The following PTPRO variants were observed in gnomAD, a reference collection of about 807,000 sequenced individuals.
PTPRO encodes protein tyrosine phosphatase receptor type O.
A neutral mutation model predicts 145.2 loss-of-function variants in PTPRO; 62 were observed. The observed-to-expected ratio is 0.43, with a 90% confidence interval of 0.35 to 0.53. The LOEUF (loss-of-function observed/expected upper bound fraction) is 0.53. PTPRO is among the 20% of genes least tolerant of loss of function. The pLI is 0.01. For missense variants in PTPRO, 1,345 were observed against 1,482.7 expected, an observed-to-expected ratio of 0.91 and a Z score of 1.53; for synonymous variants, 565 against 514.7, an observed-to-expected ratio of 1.10 and a Z score of -1.32.
intron 1 of PTPRO, among the ~76,000 whole-genome samples, chr12:15,393,456 T>C (rs1939246763): frequency 1.3e-5 from 2 of 152,308 alleles, no homozygotes; most frequent in Middle Eastern, 3.4e-3. Context: ...TGCTCAACTT[T>C]ATGACATAGT....
chr12:15,420,496 A>G (rs1309421116), intron 1 of PTPRO, among the ~76,000 whole-genome samples: 1 of 151,584 alleles, frequency 6.6e-6, no homozygotes, highest in Non-Finnish European at 1.5e-5. Flanking sequence ...TGGAAACTCA[A>G]CTCAGGCACC....
chr12:15,404,188 CAAAAAAA>C (rs370733389), intron 1 of PTPRO, among the ~76,000 whole-genome samples: 30 of 49,996 alleles, frequency 6.0e-4, no homozygotes, highest in African/African-American at 1.1e-3. Flanking sequence ...GACCCCATCT[CAAAAAAA>C]AAAAAAAAAA....
intron 19 of PTPRO, among the ~76,000 whole-genome samples, chr12:15,578,283 T>C (rs1445224166): frequency 6.6e-6 from 1 of 152,204 alleles, no homozygotes; most frequent in Non-Finnish European, 1.5e-5. Flanking sequence ...AAACTTAAGT[T>C]ACTCTATTCC....
chr12:15,458,756 A>G (rs1020634948), intron 1 of PTPRO, among the ~76,000 whole-genome samples: 3 of 151,678 alleles, frequency 2.0e-5, no homozygotes, highest in African/African-American at 7.3e-5. Context: ...TGCATGTTCT[A>G]TTGACCTCAT....
intron 1 of PTPRO, among the ~76,000 whole-genome samples, chr12:15,384,275 T>C (rs559754894): frequency 2.0e-5 from 3 of 152,302 alleles, no homozygotes; most frequent in East Asian, 3.9e-4. Flanking sequence ...ATGTACCTAG[T>C]AGTGGGATTG....
chr12:15,440,418 G>A, intron 1 of PTPRO: 1 of 254,030 alleles, frequency 3.9e-6, no homozygotes, highest in Non-Finnish European at 7.5e-6. Context: ...TTTTATACAA[G>A]AAAAATAAAG....
intron 1 of PTPRO, among the ~76,000 whole-genome samples, chr12:15,396,310 T>A (rs1392136768): frequency 6.6e-6 from 1 of 152,212 alleles, no homozygotes; most frequent in Non-Finnish European, 1.5e-5. Context: ...CTCAATTGTG[T>A]TGCACTTGTG....
chr12:15,449,569 A>G (rs1424570433), intron 1 of PTPRO, among the ~76,000 whole-genome samples: 1 of 152,192 alleles, frequency 6.6e-6, no homozygotes, highest in Non-Finnish European at 1.5e-5. Flanking sequence ...CAATACTGAA[A>G]ATTTACTGAG....
intron 12 of PTPRO, 124 bp downstream of exon 12, chr12:15,526,386 A>G (rs1942838904): frequency 7.6e-7 from 1 of 1,321,662 alleles, no homozygotes; most frequent in Admixed American, 1.7e-5. Context: ...ATGAGTAGAA[A>G]ATAGACATTT....
intron 1 of PTPRO, among the ~76,000 whole-genome samples, chr12:15,468,142 C>T (rs543961430): frequency 8.5e-5 from 13 of 152,220 alleles, no homozygotes; most frequent in Admixed American, 8.5e-4. Context: ...TGTTTGCTTG[C>T]CTAGGTTCCT....
At chr12:15,496,469 A>C (rs905054559) in intron 2 of PTPRO, among the ~76,000 whole-genome samples, 3 of 152,108 alleles carry the variant, frequency 2.0e-5, no homozygotes, top group African/African-American at 7.2e-5. Flanking sequence ...AAATTCATAC[A>C]GGTAAAATCT....
At chr12:15,462,778 C>A (rs1056816409) in intron 1 of PTPRO, among the ~76,000 whole-genome samples, 1 of 152,112 alleles carries the variant, frequency 6.6e-6, no homozygotes, top group Non-Finnish European at 1.5e-5. Flanking sequence ...TGTATGCTAG[C>A]TATTACAATT....
chr12:15,489,623 G>A (rs1247578501), intron 2 of PTPRO, among the ~76,000 whole-genome samples: 1 of 152,136 alleles, frequency 6.6e-6, no homozygotes, highest in Admixed American at 6.5e-5. Flanking sequence ...GACAACCAGA[G>A]GTCAGTCTCA....
chr12:15,525,080 T>C (rs1425021742), intron 11 of PTPRO, 115 bp downstream of exon 11: 1 of 1,280,970 alleles, frequency 7.8e-7, no homozygotes, highest in Non-Finnish European at 1.1e-6. Context: ...CAGTTGTCTG[T>C]TTTAGGCTCT....
intron 1 of PTPRO, among the ~76,000 whole-genome samples, chr12:15,430,968 TG>T (rs2136340888): frequency 6.6e-6 from 1 of 152,326 alleles, no homozygotes; most frequent in African/African-American, 2.4e-5. Flanking sequence ...ATAGAATATA[TG>T]GAAATAGTAA....
intron 12 of PTPRO, 199 bp from the exon 13 acceptor site, chr12:15,546,370 G>A: frequency 7.1e-7 from 1 of 1,413,744 alleles, no homozygotes; most frequent in Non-Finnish European, 9.2e-7. Context: ...AAATGGAAGG[G>A]GGAAAAGGCA....
chr12:15,524,714 A>G, intron 10 of PTPRO, 100 bp from the exon 11 acceptor site: 2 of 1,306,536 alleles, frequency 1.5e-6, no homozygotes, highest in Non-Finnish European at 1.1e-6. Flanking sequence ...TGTGAATTCT[A>G]ATTCGCTAAG....
In PTPRO at chr12:15,551,491, G is replaced by A. The variant is rs1012674; in HGVS notation, c.2438-60G>A. On this transcript the variant is annotated intron_variant, in intron 14 of 26. Coordinates refer to ENST00000281171, the MANE Select transcript of PTPRO (RefSeq NM_030667.3). Reference sequence around the variant, plus strand: ...TAAGACTAGATGAAAAGCAATGAATGGTTCTGTTTGGTTCCCTGTAAGAGA... The same window carrying A: ...TAAGACTAGATGAAAAGCAATGAATAGTTCTGTTTGGTTCCCTGTAAGAGA... The A allele has an allele frequency of 6.3e-6, 10 of 1,592,840 alleles. No homozygotes were observed. In the South Asian group the frequency reaches 8.8e-5, roughly 14 times the overall value.
chr12:15,581,773 G>A lies in PTPRO; in HGVS notation c.3227G>A (p.Trp1076Ter). Reference sequence around the variant, plus strand: ...ATTTCAGAGGAAGAGCAGGACGACTGGGCCTGTAGACACTTCCGGATCAAC... The same window carrying A: ...ATTTCAGAGGAAGAGCAGGACGACTAGGCCTGTAGACACTTCCGGATCAAC... ...EMISEEEQDD[W>*]ACRHFRINYA... Residue 1076 changes from tryptophan (W) to a stop codon, truncating the protein, a stop_gained, in exon 23 of 27, where the codon TGG becomes TAG. Transcript: ENST00000281171. LOFTEE classifies it high-confidence loss of function. 1.2e-6 allele frequency: 2 copies of A among 1,613,982 alleles called. No homozygotes were observed. The highest frequency in any genetic ancestry group is 1.7e-6 in the Non-Finnish European group (2 of 1,179,918).
Sources: allele counts gnomAD v4.1 joint callset (sites outside exome capture counted in the v4.1 genomes callset), GRCh38; gene constraint gnomAD v4.1.1; transcripts MANE v1.5; gene names NCBI Gene and HGNC (gene_info 2026-07-23, HGNC 2026-07-21).